MTAP: variants seen among roughly 807,000 people sequenced by gnomAD.
MTAP encodes the protein methylthioadenosine phosphorylase, also known as S-methyl-5'-thioadenosine phosphorylase.
A neutral mutation model predicts 33.6 loss-of-function variants in MTAP; 33 were observed. The ratio of observed to expected loss-of-function variants is 0.98; its 90% CI spans 0.74 to 1.31. The LOEUF (loss-of-function observed/expected upper bound fraction) is 1.31. Ranked by LOEUF, MTAP falls within the 40% of genes most tolerant of loss-of-function variation. The pLI, the probability that MTAP is intolerant of heterozygous loss-of-function variation, is 0.00. For synonymous variants in MTAP, 148 were observed against 125.7 expected (o/e 1.18, Z -1.19); for missense variants, 367 against 360.0 (o/e 1.02, Z -0.16).
intron 1 of MTAP, among the ~76,000 whole-genome samples, chr9:21,919,944 T>G (rs1376198929): frequency 6.6e-6 from 1 of 152,184 alleles, no homozygotes; most frequent in African/African-American, 2.4e-5. Flanking sequence ...TTTTTCAATG[T>G]GAAAATAAAA....
chr9:21,936,744 G>A (rs1405767207), exon 8 of MTAP: 1 of 152,058 alleles, frequency 6.6e-6, no homozygotes, highest in African/African-American at 2.4e-5. Context: ...ACTAGAAATT[G>A]AAGTTACTAA....
intron 4 of MTAP, among the ~76,000 whole-genome samples, chr9:21,831,004 C>T: frequency 6.6e-6 from 1 of 152,168 alleles, no homozygotes; most frequent in East Asian, 1.9e-4. Context: ...CTGCCAGCTG[C>T]TTTATTCAAG....
downstream of MTAP, chr9:21,932,481 T>C (rs1818977906): frequency 6.6e-6 from 1 of 152,222 alleles, no homozygotes; most frequent in Non-Finnish European, 1.5e-5. Flanking sequence ...GAACCTAAGA[T>C]TGGCCTTTTG....
rs147319145 is a variant in MTAP, at chr9:21,818,170, C to T, written c.315C>T (p.Gly105=). 2.3e-4 allele frequency: 367 copies of T among 1,613,694 alleles called. 1 individual carries two copies. The East Asian group carries it at 7.4e-3, about 33-fold the overall frequency. The stretch of plus-strand genomic sequence containing the variant: ...CCTTGAGGGAGGAGATTCAGCCCGG[C>T]GATATTGTCATTATTGATCAGTTCA... ...CGSLREEIQP[G]DIVIIDQFID... is the part of the protein sequence containing the mutation. Residue 105 remains glycine, a synonymous_variant, in exon 4 of 8, where the codon GGC becomes GGT. Transcript: ENST00000644715.
Position 21,850,597 on chromosome 9 carries a change from T to C in MTAP, c.451-4034T>C, listed in dbSNP as rs140651191. 1.0e-3 allele frequency among the ~76,000 whole-genome samples: 159 copies of C among 152,282 alleles called. 3 individuals are homozygous for C. In the East Asian group the frequency reaches 0.03, roughly 29 times the overall value. ...CCTTTGGCAGGCCCCCATAGGTGAA[T>C]TACAGTGGAGCCCTCTAGGATTTTG... On this transcript the variant is annotated intron_variant, in intron 5 of 7. Coordinates refer to ENST00000644715, the MANE Select transcript of MTAP (RefSeq NM_002451.4).
At chr9:21,853,333 A>G (rs775475654) in intron 5 of MTAP, among the ~76,000 whole-genome samples, 4 of 152,162 alleles carry the variant, frequency 2.6e-5, no homozygotes, top group African/African-American at 4.8e-5. Context: ...AGGCTTTTGC[A>G]TTTATAACAT....
In MTAP at chr9:21,864,707, G is replaced by C. The variant is rs1825822182; in HGVS notation, c.*2693G>C. 1.0e-6 allele frequency: 1 copy of C among 985,388 alleles called. No individual in the cohort carries two copies. Among genetic ancestry groups the C allele is most frequent in the Non-Finnish European group, 1.2e-6 (1 of 829,990 alleles). 61.0% of individuals were successfully genotyped at this position (985,388 alleles called of 1,614,324 possible). On this transcript the variant is annotated 3_prime_UTR_variant, in exon 8 of 8. Transcript: ENST00000644715. ...GTTTCAAGGAAGGAAACTCTGGTAC[G>C]GTGGCACCCTCAGGAGTGGAGGACA...
chr9:21,835,074 G>A (rs1352993239), intron 4 of MTAP, among the ~76,000 whole-genome samples: 1 of 152,160 alleles, frequency 6.6e-6, no homozygotes, highest in Non-Finnish European at 1.5e-5. Flanking sequence ...AGCAGATTTG[G>A]TGTCTGGTGA....
chr9:21,808,585 CTG>C, intron 1 of MTAP, among the ~76,000 whole-genome samples: 1 of 111,002 alleles, frequency 9.0e-6, no homozygotes, highest in African/African-American at 4.3e-5. Flanking sequence ...AAGTGAGACT[CTG>C]TTTCCAAAAA....
Position 21,852,660 on chromosome 9 carries a change from TTATATACA to T in MTAP, c.451-1969_451-1962del, listed in dbSNP as rs147445115. Among the ~76,000 whole-genome samples the T allele has an allele frequency of 4.0e-3, 605 of 151,432 alleles. 30 individuals carry two copies. In the East Asian group the frequency reaches 0.11, roughly 26 times the overall value. ...ATCCCAGAAATCACTACTAAAGAAC[TTATATACA>T]TCACAATAAACCACTTGCTCCCCAA... On this transcript the variant is annotated intron_variant, in intron 5 of 7. Coordinates refer to ENST00000644715, the MANE Select transcript of MTAP (RefSeq NM_002451.4).
At chr9:21,906,723 A>T (rs1563866202) in intron 1 of MTAP, among the ~76,000 whole-genome samples, 1 of 152,250 alleles carries the variant, frequency 6.6e-6, no homozygotes, top group Non-Finnish European at 1.5e-5. Flanking sequence ...ATTAAAAGCA[A>T]CTAAAGATAA....
chr9:21,803,560 G>A (rs569241685), intron 1 of MTAP, among the ~76,000 whole-genome samples: 11 of 152,282 alleles, frequency 7.2e-5, no homozygotes, highest in Admixed American at 2.6e-4. Context: ...GCGGTGGGAA[G>A]CTTTGTGCTG....
chr9:21,861,778 G>T (rs1229938309), intron 7 of MTAP, 198 bp from the exon 8 acceptor site: 1 of 595,968 alleles, frequency 1.7e-6, no homozygotes, highest in Non-Finnish European at 3.0e-6. Flanking sequence ...AAAGGGAGGT[G>T]AGGAACCAAG....
intron 1 of MTAP, among the ~76,000 whole-genome samples, chr9:21,918,119 G>T (rs756874715): frequency 3.1e-5 from 4 of 129,320 alleles, no homozygotes; most frequent in African/African-American, 8.0e-5. Flanking sequence ...GGGAGGCCGA[G>T]GCGGGCGGAT....
chr9:21,835,367 A>G (rs1343644928), intron 4 of MTAP, among the ~76,000 whole-genome samples: 1 of 152,230 alleles, frequency 6.6e-6, no homozygotes. Context: ...AATTTGCCCA[A>G]GACCACACAA....
chr9:21,826,755 C>T (rs1449913482), intron 4 of MTAP, among the ~76,000 whole-genome samples: 1 of 151,934 alleles, frequency 6.6e-6, no homozygotes, highest in Non-Finnish European at 1.5e-5. Flanking sequence ...TAGTTGAAAT[C>T]ACAAGGGAAA....
intron 4 of MTAP, among the ~76,000 whole-genome samples, chr9:21,834,129 T>G (rs1470511975): frequency 2.6e-5 from 4 of 152,252 alleles, no homozygotes; most frequent in African/African-American, 9.6e-5. Flanking sequence ...AAGAAATGTT[T>G]AGAAGCATAT....
At chr9:21,919,488 T>C (rs926765962) in intron 1 of MTAP, among the ~76,000 whole-genome samples, 4 of 152,240 alleles carry the variant, frequency 2.6e-5, no homozygotes, top group Non-Finnish European at 5.9e-5. Flanking sequence ...TAAGAGAAGA[T>C]ATTTGTAAAC....
intron 4 of MTAP, among the ~76,000 whole-genome samples, chr9:21,835,845 T>A (rs1825091993): frequency 6.6e-6 from 1 of 152,206 alleles, no homozygotes; most frequent in Non-Finnish European, 1.5e-5. Context: ...TTTAGATCAT[T>A]AAATGTTTCA....
Sources: gnomAD v4.1 joint callset for allele counts (sites outside exome capture counted in the v4.1 genomes callset) on GRCh38, gnomAD v4.1.1 for gene constraint, MANE v1.5 for transcripts, NCBI Gene and HGNC (gene_info 2026-07-23, HGNC 2026-07-21) for gene names.